The following ZNF804B variants were observed in gnomAD, a reference collection of about 807,000 sequenced individuals.
ZNF804B encodes the protein zinc finger 804B.
ZNF804B carries 80 observed loss-of-function variants against 101.4 expected under a neutral mutation model. The ratio of observed to expected loss-of-function variants is 0.79; its 90% CI spans 0.66 to 0.95. The LOEUF (loss-of-function observed/expected upper bound fraction) is 0.95. Ranked by LOEUF, ZNF804B falls within the 40% of genes least tolerant of loss-of-function variation. The pLI is 0.00. For synonymous variants in ZNF804B, 622 were observed against 558.8 expected, an observed-to-expected ratio of 1.11 and a Z score of -1.59; for missense variants, 1,673 against 1,561.9, an observed-to-expected ratio of 1.07 and a Z score of -1.20.
chr7:89,211,932 A>G (rs879801331), intron 1 of ZNF804B, among the ~76,000 whole-genome samples: 1 of 152,086 alleles, frequency 6.6e-6, no homozygotes, highest in African/African-American at 2.4e-5. Flanking sequence ...AATTACTTTG[A>G]GCAGTATGGC....
chr7:89,315,599 A>T (rs950807802), intron 2 of ZNF804B, among the ~76,000 whole-genome samples: 10 of 152,036 alleles, frequency 6.6e-5, no homozygotes, highest in Non-Finnish European at 1.2e-4. Context: ...ATATACATTG[A>T]TTTTATTGAT....
chr7:89,208,164 C>G (rs868639928), intron 1 of ZNF804B, among the ~76,000 whole-genome samples: 16 of 150,860 alleles, frequency 1.1e-4, no homozygotes, highest in African/African-American at 3.6e-4. Flanking sequence ...TCACTGCAAG[C>G]TCTGCCTCCC....
intron 1 of ZNF804B, among the ~76,000 whole-genome samples, chr7:88,855,277 CT>C (rs1181949019): frequency 6.6e-6 from 1 of 151,466 alleles, no homozygotes; most frequent in African/African-American, 2.4e-5. Flanking sequence ...TGTTTCCTGA[CT>C]TTTTAATGAT....
chr7:88,869,860 C>G (rs923449159), intron 1 of ZNF804B, among the ~76,000 whole-genome samples: 1 of 152,164 alleles, frequency 6.6e-6, no homozygotes, highest in Non-Finnish European at 1.5e-5. Flanking sequence ...CAGGTCCAGC[C>G]AAGGCTTCTT....
chr7:88,893,921 C>T (rs1792248954), intron 1 of ZNF804B, among the ~76,000 whole-genome samples: 1 of 151,950 alleles, frequency 6.6e-6, no homozygotes, highest in Non-Finnish European at 1.5e-5. Flanking sequence ...TGATGATTTT[C>T]TTTAAAATAA....
At chr7:88,870,364 G>A (rs549616699) in intron 1 of ZNF804B, among the ~76,000 whole-genome samples, 6 of 97,628 alleles carry the variant, frequency 6.1e-5, no homozygotes, top group African/African-American at 1.9e-4. Flanking sequence ...CAGCCTGGGC[G>A]ACAGAGCGAA....
chr7:88,841,258 A>C (rs933611368), intron 1 of ZNF804B, among the ~76,000 whole-genome samples: 1 of 152,176 alleles, frequency 6.6e-6, no homozygotes. Flanking sequence ...GCCACACCCC[A>C]TAGTCTTAGA....
chr7:88,882,646 G>A (rs989627116), intron 1 of ZNF804B, among the ~76,000 whole-genome samples: 40 of 152,238 alleles, frequency 2.6e-4, no homozygotes, highest in African/African-American at 9.4e-4. Context: ...TGGTTGACTG[G>A]ATAAAGAAAA....
chr7:89,168,232 A>G (rs1349286419), intron 1 of ZNF804B, among the ~76,000 whole-genome samples: 2 of 152,148 alleles, frequency 1.3e-5, no homozygotes, highest in African/African-American at 4.8e-5. Context: ...ACTCCTGTTA[A>G]GAAAACACAA....
intron 1 of ZNF804B, among the ~76,000 whole-genome samples, chr7:89,212,658 C>T (rs1788823207): frequency 1.3e-5 from 2 of 152,108 alleles, no homozygotes; most frequent in South Asian, 4.1e-4. Context: ...TATGCCTTTT[C>T]CATTGATTAA....
chr7:89,293,087 AT>A lies in ZNF804B; in HGVS notation c.250-34251del, dbSNP rs1447621702. Among the ~76,000 whole-genome samples the A allele has an allele frequency of 3.3e-5, 5 of 151,550 alleles. No homozygotes were observed. The East Asian group carries it at 9.7e-4, about 29-fold the overall frequency. On this transcript the variant is annotated intron_variant, in intron 2 of 3. Transcript: ENST00000333190. ...CATTTGTTACATTTTTCTGGAGGTC[AT>A]TTTTTATCTTCTGAACTTTTGAATG...
chr7:89,152,508 A>G (rs1341932411), intron 1 of ZNF804B, among the ~76,000 whole-genome samples: 1 of 152,022 alleles, frequency 6.6e-6, no homozygotes, highest in Non-Finnish European at 1.5e-5. Flanking sequence ...TCAATTCATT[A>G]TGCATTCTAT....
At chr7:89,253,678 C>G (rs548150540) in intron 2 of ZNF804B, among the ~76,000 whole-genome samples, 1 of 151,804 alleles carries the variant, frequency 6.6e-6, no homozygotes, top group South Asian at 2.1e-4. Context: ...TTCTGCAGAC[C>G]ATTTTAAAAA....
intron 2 of ZNF804B, among the ~76,000 whole-genome samples, chr7:89,288,072 GT>G (rs772358994): frequency 5.1e-4 from 78 of 152,008 alleles, no homozygotes; most frequent in Non-Finnish European, 7.1e-4. Context: ...AGATATTACA[GT>G]TAACAGATAA....
chr7:89,013,569 C>A (rs1179285025), intron 1 of ZNF804B, among the ~76,000 whole-genome samples: 5 of 152,152 alleles, frequency 3.3e-5, no homozygotes, highest in Non-Finnish European at 7.4e-5. Flanking sequence ...TTGATACATG[C>A]AATGTATAGT....
intron 2 of ZNF804B, among the ~76,000 whole-genome samples, chr7:89,246,417 A>G (rs1313842040): frequency 6.6e-6 from 1 of 150,762 alleles, no homozygotes; most frequent in Non-Finnish European, 1.5e-5. Context: ...CTGGACCAGC[A>G]GCTTAAGCCT....
intron 1 of ZNF804B, among the ~76,000 whole-genome samples, chr7:88,878,130 TTAAGA>T (rs1235105438): frequency 1.3e-5 from 2 of 152,318 alleles, no homozygotes; most frequent in East Asian, 3.9e-4. Flanking sequence ...TACTTCTAAC[TTAAGA>T]TAACTCATTA....
intron 2 of ZNF804B, among the ~76,000 whole-genome samples, chr7:89,300,957 G>C (rs1790462863): frequency 6.6e-6 from 1 of 151,746 alleles, no homozygotes; most frequent in African/African-American, 2.4e-5. Context: ...GCTTGGGTAG[G>C]TGTAAGCATT....
intron 1 of ZNF804B, among the ~76,000 whole-genome samples, chr7:88,768,252 T>A (rs1042064572): frequency 7.9e-5 from 12 of 152,202 alleles, no homozygotes; most frequent in Non-Finnish European, 1.6e-4. Flanking sequence ...TAGCTTATGA[T>A]TTAAAAACCA....
Sources: gnomAD v4.1 joint callset for allele counts (sites outside exome capture counted in the v4.1 genomes callset) on GRCh38, gnomAD v4.1.1 for gene constraint, MANE v1.5 for transcripts, NCBI Gene and HGNC (gene_info 2026-07-23, HGNC 2026-07-21) for gene names.